RUVBL1: variants seen among roughly 807,000 people sequenced by gnomAD.
RUVBL1 encodes the protein ruvB-like 1.
RUVBL1 carries 4 observed loss-of-function variants against 52.4 expected under a neutral mutation model. That is an observed-to-expected ratio of 0.08 (90% CI 0.04 to 0.17). The LOEUF (loss-of-function observed/expected upper bound fraction) is 0.17. Ranked by LOEUF, RUVBL1 falls within the 10% of genes least tolerant of loss-of-function variation. RUVBL1 has a pLI of 1.00. For missense variants in RUVBL1, 298 were observed against 572.8 expected (o/e 0.52, Z 4.90); for synonymous variants, 217 against 214.4 (o/e 1.01, Z -0.10).
downstream of RUVBL1, among the ~76,000 whole-genome samples, chr3:128,079,227 A>T (rs564994921): frequency 6.6e-6 from 1 of 152,246 alleles, no homozygotes; most frequent in African/African-American, 2.4e-5. Flanking sequence ...CCCACACCGG[A>T]CCCCGCTTCC....
intron 1 of RUVBL1, among the ~76,000 whole-genome samples, chr3:128,119,871 C>T (rs1576475216): frequency 6.6e-6 from 1 of 152,210 alleles, no homozygotes; most frequent in East Asian, 1.9e-4. Flanking sequence ...CAAAGTATAG[C>T]GAAAAAGACC....
rs566101714 is a variant in RUVBL1, at chr3:128,111,895, C to T, written c.361+993G>A. Among the ~76,000 whole-genome samples the T allele has an allele frequency of 9.6e-4, 146 of 152,222 alleles. 1 individual carries two copies. The highest frequency in any genetic ancestry group is 6.8e-3 in the Middle Eastern group (2 of 294). ...AGGCACTCTGACTAGTGTTCATAAC[C>T]CACGACTCAGCAGGCAAATCCTAGA... On this transcript the variant is annotated intron_variant, in intron 3 of 10. Coordinates refer to ENST00000322623, the MANE Select transcript of RUVBL1 (RefSeq NM_003707.3).
At chr3:128,146,340 G>A (rs746724653) in intron 1 of RUVBL1, among the ~76,000 whole-genome samples, 2 of 152,180 alleles carry the variant, frequency 1.3e-5, no homozygotes, top group Admixed American at 6.5e-5. Flanking sequence ...GCATGTGTGC[G>A]TGTGTCTCTG....
At chr3:128,078,839 C>T (rs1035963861), downstream of RUVBL1, 1 of 152,186 alleles carries the variant, frequency 6.6e-6, no homozygotes, top group Non-Finnish European at 1.5e-5. Flanking sequence ...TAATCACAGG[C>T]CTTGCTGGAA....
chr3:128,143,507 T>G (rs571600838), intron 1 of RUVBL1, among the ~76,000 whole-genome samples: 2 of 152,320 alleles, frequency 1.3e-5, no homozygotes, highest in Admixed American at 1.3e-4. Flanking sequence ...GGAGTCCCTT[T>G]GGCCATGGAA....
chr3:128,139,579 T>G (rs1403396735), intron 1 of RUVBL1, among the ~76,000 whole-genome samples: 1 of 152,094 alleles, frequency 6.6e-6, no homozygotes, highest in East Asian at 1.9e-4. Flanking sequence ...GAAAAAGTAA[T>G]CAGTATGTCT....
intron 1 of RUVBL1, among the ~76,000 whole-genome samples, chr3:128,119,714 G>T (rs147888426): frequency 1.9e-3 from 288 of 152,322 alleles, no homozygotes; most frequent in African/African-American, 6.6e-3. Flanking sequence ...AGTGATCCTG[G>T]AGTGTCTTTC....
At chr3:128,087,526 C>T (rs1942685867) in intron 9 of RUVBL1, among the ~76,000 whole-genome samples, 180 bp downstream of exon 9, 1 of 152,138 alleles carries the variant, frequency 6.6e-6, no homozygotes, top group Admixed American at 6.5e-5. Flanking sequence ...TTAGACCAAT[C>T]CATCTTTCAG....
exon 1 of RUVBL1, chr3:128,153,214 A>G (rs1212565903): frequency 1.5e-6 from 2 of 1,317,826 alleles, no homozygotes; most frequent in East Asian, 3.3e-5. Context: ...CAGAAAGTCC[A>G]AATGGCTTCA....
At chr3:128,065,339 A>G (rs1470958618) in intron 9 of RUVBL1, 3 of 587,342 alleles carry the variant, frequency 5.1e-6, no homozygotes, top group Non-Finnish European at 9.0e-6. Context: ...AGAAGCAAAA[A>G]GTACTCTAGC....
chr3:128,150,968 T>TTC (rs1553734267), intron 1 of RUVBL1, among the ~76,000 whole-genome samples: 4 of 70,624 alleles, frequency 5.7e-5, no homozygotes, highest in African/African-American at 2.8e-4. Flanking sequence ...ATTCTATATA[T>TTC]TATATATTAT....
downstream of RUVBL1, among the ~76,000 whole-genome samples, chr3:128,078,553 G>C (rs1293739648): frequency 6.6e-6 from 1 of 152,196 alleles, no homozygotes; most frequent in Non-Finnish European, 1.5e-5. Context: ...GCACCCAAGA[G>C]AGCCTGCGCT....
At chr3:128,075,641 G>T (rs1046748481) in intron 9 of RUVBL1, among the ~76,000 whole-genome samples, 5 of 151,960 alleles carry the variant, frequency 3.3e-5, no homozygotes, top group Admixed American at 3.3e-4. Context: ...GTGTGACTTG[G>T]AATCTCGGAT....
At chr3:128,137,665 G>A (rs1241610033) in intron 1 of RUVBL1, among the ~76,000 whole-genome samples, 2 of 152,144 alleles carry the variant, frequency 1.3e-5, no homozygotes, top group Non-Finnish European at 2.9e-5. Context: ...ATAGAGGAGG[G>A]AATACTTCCA....
chr3:128,143,946 G>A (rs543814503), intron 1 of RUVBL1, among the ~76,000 whole-genome samples: 7 of 152,314 alleles, frequency 4.6e-5, no homozygotes, highest in Non-Finnish European at 7.4e-5. Context: ...ACACTGTGAT[G>A]CCCATTTTGC....
intron 9 of RUVBL1, among the ~76,000 whole-genome samples, chr3:128,065,677 A>G (rs1941951199): frequency 1.3e-5 from 2 of 152,124 alleles, no homozygotes; most frequent in Non-Finnish European, 2.9e-5. Flanking sequence ...TTCTTGCTTA[A>G]TAAAAAGCTA....
intron 9 of RUVBL1, chr3:128,069,624 C>A (rs925021505): frequency 1.9e-6 from 3 of 1,614,158 alleles, no homozygotes; most frequent in Non-Finnish European, 2.5e-6. Context: ...CGTTAAGGAG[C>A]AAAGCGAGGT....
chr3:128,105,859 C>CTTT (rs1559819588), intron 3 of RUVBL1, among the ~76,000 whole-genome samples: 1 of 138,134 alleles, frequency 7.2e-6, no homozygotes, highest in African/African-American at 2.7e-5. Flanking sequence ...CTTTCTTTCC[C>CTTT]TTTTTCTTTT....
chr3:128,086,510 G>A lies in RUVBL1; in HGVS notation c.1119+1196C>T, dbSNP rs558870836. ...TCAGCATCTCCAACCATGGCTGCAT[G>A]CCAGAGCCCATCAGAAGAGAACATT... On this transcript the variant is annotated intron_variant, in intron 9 of 10. Coordinates refer to ENST00000322623, the MANE Select transcript of RUVBL1 (RefSeq NM_003707.3). Among the ~76,000 whole-genome samples the A allele has an allele frequency of 1.3e-4, 20 of 152,354 alleles. 1 individual carries two copies. In the East Asian group the frequency reaches 3.9e-3, roughly 29 times the overall value.
Sources: allele counts gnomAD v4.1 joint callset (sites outside exome capture counted in the v4.1 genomes callset), GRCh38; gene constraint gnomAD v4.1.1; transcripts MANE v1.5; gene names NCBI Gene and HGNC (gene_info 2026-07-23, HGNC 2026-07-21).